The following LRP4 variants were observed in gnomAD, a reference collection of about 807,000 sequenced individuals.
LRP4 encodes LDL receptor related protein 4.
In LRP4, 95 loss-of-function variants were observed where a neutral mutation model predicts 220.3. That is an observed-to-expected ratio of 0.43 (90% CI 0.37 to 0.51). The LOEUF is 0.51. LRP4 is among the 20% of genes least tolerant of loss of function. The pLI, the probability that LRP4 is intolerant of heterozygous loss-of-function variation, is 0.00. For synonymous variants in LRP4, 903 were observed against 954.6 expected (o/e 0.95, Z 1.00); for missense variants, 1,925 against 2,567.0 (o/e 0.75, Z 5.40).
At position 46,857,113 on chromosome 11, in the gene LRP4, A is replaced by G. The variant is rs1437732648; in HGVS notation, c.*1870T>C. 1 of 152,624 alleles carries G rather than the reference A, an allele frequency of 6.6e-6. No homozygotes were observed. The highest frequency in any genetic ancestry group is 1.5e-5 in the Non-Finnish European group (1 of 68,062). The allele number at this position is 152,624 out of a possible 1,614,324, so 9.5% of individuals were successfully genotyped here. ...CTACATTCTGAACAGCCCAAGTGCA[A>G]TAAGATCCTTCCCCCTTTCCAATCA... On this transcript the variant is annotated 3_prime_UTR_variant, in exon 38 of 38. Transcript: ENST00000378623.
rs147835321 is a variant in LRP4 at position 46,909,954 on chromosome 11, C to T, written c.53-7025G>A. 4.5e-4 allele frequency among the ~76,000 whole-genome samples: 69 copies of T among 152,220 alleles called. 1 individual carries two copies. In the East Asian group the frequency reaches 0.012, roughly 26 times the overall value. On this transcript the variant is annotated intron_variant, in intron 1 of 37. Coordinates refer to ENST00000378623, the MANE Select transcript of LRP4 (RefSeq NM_002334.4). Reference sequence around the variant, plus strand: ...AGTTCCTTTCACCAGCTGTATTATCCGGCTGTGAAACTGACACGCCATGTT... The same window carrying T: ...AGTTCCTTTCACCAGCTGTATTATCTGGCTGTGAAACTGACACGCCATGTT...
At position 46,875,001 on chromosome 11, in the gene LRP4, C is replaced by T. The variant is rs142439915; in HGVS notation, c.4028G>A (p.Gly1343Glu). ...AGAGGGATCACAGGTCTTCCCATCT[C>T]CCTTCAGCTGGATGCCAGTGGGGCA... ...CACPTGIQLK[G>E]DGKTCDPSPE... Residue 1343 changes from glycine to glutamate, a missense_variant, in exon 28 of 38, where the codon GGA becomes GAA. Physicochemically the swap from Gly to Glu is moderately conservative, Grantham distance 98 (BLOSUM62 -2). Transcript: ENST00000378623. The surrounding 1 kb of genome is among the most constrained non-coding windows in gnomAD (Gnocchi z 4.5). The T allele has an allele frequency of 2.1e-5, 34 of 1,614,064 alleles. 2 individuals are homozygous for T. The highest frequency in any genetic ancestry group is 3.3e-4 in the Middle Eastern group (2 of 6,084).
At chr11:46,896,079 T>G (rs1259219549) in intron 9 of LRP4, 61 bp from the exon 10 acceptor site, 16 of 1,613,052 alleles carry the variant, frequency 9.9e-6, no homozygotes, top group Non-Finnish European at 1.4e-5. Flanking sequence ...AGAGCCAACT[T>G]GGCATTCCAC....
intron 16 of LRP4, among the ~76,000 whole-genome samples, chr11:46,886,869 C>A (rs1941305341): frequency 6.6e-6 from 1 of 152,194 alleles, no homozygotes. Context: ...CCCTACTTCC[C>A]TGATGTTCAT....
intron 16 of LRP4, among the ~76,000 whole-genome samples, chr11:46,888,257 CAAAA>C (rs35757114): frequency 5.0e-5 from 7 of 140,692 alleles, no homozygotes; most frequent in Non-Finnish European, 4.6e-5. Context: ...GGGAGGCGGA[CAAAA>C]AAAAAAAAAA....
Position 46,862,695 on chromosome 11 carries a change from T to TGCTGTAGG in LRP4, c.5288_5295dup (p.Asn1766ProfsTer14). 1 of 1,614,046 alleles carries TGCTGTAGG rather than the reference T, an allele frequency of 6.2e-7. No homozygotes were observed. Among genetic ancestry groups the TGCTGTAGG allele is most frequent in the Non-Finnish European group, 8.5e-7 (1 of 1,179,984 alleles). On this transcript the variant is annotated frameshift_variant, in exon 37 of 38. Transcript: ENST00000378623. LOFTEE classifies it high-confidence loss of function. ...TGTGTGGATGTTCGGTAGGAGGGGT[T>TGCTGTAGG]GCTGTAGGTGAGGTTCCCCATTCCA...
At chr11:46,898,501 G>T (rs1384876998) in intron 7 of LRP4, 57 bp downstream of exon 7, 1 of 1,611,694 alleles carries the variant, frequency 6.2e-7, no homozygotes, top group Non-Finnish European at 8.5e-7. Flanking sequence ...TGGCCTCTTT[G>T]GCTCCACAAG....
In LRP4 at chr11:46,895,945, C is replaced by G. The variant is rs1941520198; in HGVS notation, c.1122G>C (p.Gly374=). The G allele has an allele frequency of 6.2e-7, 1 of 1,613,932 alleles. No individual in the cohort carries two copies. Among genetic ancestry groups the G allele is most frequent in the East Asian group, 2.2e-5 (1 of 44,898 alleles). Residue 374 remains glycine, a synonymous_variant, in exon 10 of 38, where the codon GGG becomes GGC. Transcript: ENST00000378623. ...CTGTGTGGCAGGTACACTGCACTGC[C>G]CCCCGCACCATCTGGCACTTCTGGG... The part of the protein sequence containing the change: ...GCAQKCQMVR[G]AVQCTCHTGY...
intron 12 of LRP4, 77 bp from the exon 13 acceptor site, chr11:46,893,206 T>C: frequency 6.4e-7 from 1 of 1,556,674 alleles, no homozygotes. Context: ...GAGCAAACTC[T>C]TACAGGAAGC....
chr11:46,895,123 G>A, intron 11 of LRP4, 43 bp downstream of exon 11: 1 of 1,611,578 alleles, frequency 6.2e-7, no homozygotes, highest in Non-Finnish European at 8.5e-7. Context: ...CTTCCTCCAT[G>A]CTCGGCCCTC....
intron 37 of LRP4, among the ~76,000 whole-genome samples, chr11:46,862,085 A>G (rs983298025): frequency 9.2e-5 from 14 of 151,578 alleles, no homozygotes; most frequent in Admixed American, 2.0e-4. Context: ...AAAAAAAAAA[A>G]AAAAAAGCAA....
At chr11:46,895,684 C>A (rs1318374029) in intron 10 of LRP4, among the ~76,000 whole-genome samples, 200 bp downstream of exon 10, 1 of 152,220 alleles carries the variant, frequency 6.6e-6, no homozygotes, top group Non-Finnish European at 1.5e-5. Flanking sequence ...AGCTGTGTGG[C>A]CTTTGGTAAG....
At position 46,902,796 on chromosome 11, in the gene LRP4, A is replaced by G. The variant is rs1941691871; in HGVS notation, c.186T>C (p.Asp62=). Residue 62 remains aspartate (D), a synonymous_variant, in exon 2 of 38, where the codon GAT becomes GAC. Transcript: ENST00000378623. Reference sequence around the variant, plus strand: ...GGAGGTACTTACTACATCCATCCTCATCGCTGTGGTCCCCGCAGTCATTGT... The same window carrying G: ...GGAGGTACTTACTACATCCATCCTCGTCGCTGTGGTCCCCGCAGTCATTGT... ...DGDNDCGDHS[D]EDGCILPTCS... The G allele has an allele frequency of 6.2e-7, 1 of 1,613,858 alleles. No individual in the cohort carries two copies.
chr11:46,865,313 C>T, intron 34 of LRP4, 127 bp from the exon 35 acceptor site: 1 of 725,164 alleles, frequency 1.4e-6, no homozygotes, highest in South Asian at 1.5e-5. Context: ...AGATGGAAGA[C>T]ATCAGAAGCA....
Position 46,857,443 on chromosome 11 carries a change from C to A in LRP4, c.*1540G>T, listed in dbSNP as rs1940409102. 6.6e-6 allele frequency: 1 copy of A among 152,238 alleles called. No homozygotes were observed. 9.4% of individuals were successfully genotyped at this position (152,238 alleles called of 1,614,324 possible). ...CCCTCCATTCCCAGCCCCTGTTGTT[C>A]TCTCCTGCCACTTCTAATTCCTGGG... On this transcript the variant is annotated 3_prime_UTR_variant, in exon 38 of 38. Coordinates refer to ENST00000378623, the MANE Select transcript of LRP4 (RefSeq NM_002334.4).
intron 31 of LRP4, among the ~76,000 whole-genome samples, chr11:46,869,976 C>T (rs1005490798): frequency 6.6e-6 from 1 of 151,948 alleles, no homozygotes; most frequent in Admixed American, 6.6e-5. Context: ...TATGGTGGCA[C>T]GCACCTGTAA....
In LRP4 at chr11:46,873,269, G is replaced by A; in HGVS notation, c.4449-35C>T. ...AACAGTGCCATCATCATCAAGGCAT[G>A]GGAAGACAGCACCCAGAGGTTGAGA... On this transcript the variant is annotated intron_variant, in intron 29 of 37. Transcript: ENST00000378623. The surrounding 1 kb of genome is among the most constrained non-coding windows in gnomAD (Gnocchi z 4.2). The A allele has an allele frequency of 6.2e-7, 1 of 1,614,054 alleles. No homozygotes were observed. Among genetic ancestry groups the A allele is most frequent in the Non-Finnish European group, 8.5e-7 (1 of 1,179,954 alleles).
chr11:46,873,298 C>T lies in LRP4; in HGVS notation c.4449-64G>A. On this transcript the variant is annotated intron_variant, in intron 29 of 37. Coordinates refer to ENST00000378623, the MANE Select transcript of LRP4 (RefSeq NM_002334.4). The surrounding 1 kb of genome is among the most constrained non-coding windows in gnomAD (Gnocchi z 4.2). ...AGACAGCACCCAGAGGTTGAGAGAA[C>T]ACAGAGGACCCACTAACACCATCTT... is the stretch of plus-strand genomic sequence containing the variant. 6.2e-7 allele frequency: 1 copy of T among 1,612,762 alleles called. No homozygotes were observed. The highest frequency in any genetic ancestry group is 1.3e-5 in the African/African-American group (1 of 75,036).
intron 12 of LRP4, 91 bp from the exon 13 acceptor site, chr11:46,893,220 T>C: frequency 7.0e-7 from 1 of 1,423,928 alleles, no homozygotes; most frequent in South Asian, 1.2e-5. Flanking sequence ...AGGAAGCAAT[T>C]TTTTGGGCCA....
Sources: gnomAD v4.1 joint callset for allele counts (sites outside exome capture counted in the v4.1 genomes callset) on GRCh38, gnomAD v4.1.1 for gene constraint, Gnocchi (gnomAD v3.1) non-coding constraint, MANE v1.5 for transcripts, NCBI Gene and HGNC (gene_info 2026-07-23, HGNC 2026-07-21) for gene names.